Variants in RIMS2 observed in about 807,000 individuals in gnomAD.
The protein encoded by RIMS2 is regulating synaptic membrane exocytosis 2.
A neutral mutation model predicts 174.4 loss-of-function variants in RIMS2; 59 were observed. The observed-to-expected ratio is 0.34, with a 90% confidence interval of 0.27 to 0.42. The LOEUF is 0.42. Ranked by LOEUF, RIMS2 falls within the 10% of genes least tolerant of loss-of-function variation. The pLI is 1.00. For missense variants in RIMS2, 1,620 were observed against 1,666.3 expected, an observed-to-expected ratio of 0.97 and a Z score of 0.48; for synonymous variants, 606 against 572.5, an observed-to-expected ratio of 1.06 and a Z score of -0.84.
chr8:103,524,825 T>C lies in RIMS2; in HGVS notation c.176+23763T>C, dbSNP rs80200218. Among the ~76,000 whole-genome samples, 362 of 152,356 alleles carry C rather than the reference T, an allele frequency of 2.4e-3. 4 individuals are homozygous for C. The Middle Eastern group carries it at 0.034, about 14-fold the overall frequency. On this transcript the variant is annotated intron_variant, in intron 1 of 23. Coordinates refer to ENST00000504942, the Ensembl canonical transcript of RIMS2. ...AGCCAGAATTTGCATTGTAGTTATC[T>C]GGTGCTGCTATTGCTGCTAGAACCA...
intron 4 of RIMS2, among the ~76,000 whole-genome samples, chr8:103,906,346 A>ATGAT (rs2074402266): frequency 6.6e-6 from 1 of 151,998 alleles, no homozygotes; most frequent in South Asian, 2.1e-4. Context: ...CCGGGTTCAA[A>ATGAT]TGATTCTCTT....
intron 1 of RIMS2, among the ~76,000 whole-genome samples, chr8:103,549,677 A>G (rs1279406746): frequency 2.0e-5 from 3 of 152,198 alleles, no homozygotes; most frequent in Non-Finnish European, 4.4e-5. Context: ...CAGACTGGCA[A>G]ATTGGATGAA....
chr8:104,102,252 A>T (rs942977944), intron 19 of RIMS2, among the ~76,000 whole-genome samples: 1 of 152,128 alleles, frequency 6.6e-6, no homozygotes, highest in Non-Finnish European at 1.5e-5. Flanking sequence ...GCCAAAATAA[A>T]TAACTTACTC....
At position 103,765,701 on chromosome 8, in the gene RIMS2, A is replaced by T. The variant is rs532511047; in HGVS notation, c.388-526A>T. ...GAATGTTAACCTAATACTAACAGCT[A>T]ATTTTCCGTATAACAAGTAATATTC... is the stretch of plus-strand genomic sequence containing the variant. On this transcript the variant is annotated intron_variant, in intron 2 of 23. Coordinates refer to ENST00000504942, the Ensembl canonical transcript of RIMS2. Among the ~76,000 whole-genome samples, 11 of 152,304 alleles carry T rather than the reference A, an allele frequency of 7.2e-5. No individual in the cohort carries two copies. In the South Asian group the frequency reaches 2.3e-3, roughly 32 times the overall value.
At chr8:103,675,042 C>A (rs146680507) in intron 1 of RIMS2, among the ~76,000 whole-genome samples, 2 of 152,092 alleles carry the variant, frequency 1.3e-5, no homozygotes, top group Non-Finnish European at 2.9e-5. Flanking sequence ...TCCTGAGTAG[C>A]GAGGATTACA....
chr8:103,580,433 CTA>C (rs2093538029), intron 1 of RIMS2, among the ~76,000 whole-genome samples: 1 of 130,952 alleles, frequency 7.6e-6, no homozygotes, highest in African/African-American at 2.7e-5. Flanking sequence ...AAAACAAAGA[CTA>C]TATGTGTGCA....
intron 1 of RIMS2, among the ~76,000 whole-genome samples, chr8:103,546,268 G>T (rs966998730): frequency 6.6e-5 from 10 of 152,108 alleles, no homozygotes; most frequent in Non-Finnish European, 1.2e-4. Flanking sequence ...ACCCAACAAT[G>T]ATTTAAGAGA....
At chr8:104,026,734 G>T (rs2096266364) in intron 19 of RIMS2, among the ~76,000 whole-genome samples, 1 of 152,172 alleles carries the variant, frequency 6.6e-6, no homozygotes, top group Non-Finnish European at 1.5e-5. Context: ...TGTAATTAAT[G>T]ATTGCTTCTG....
rs181348774 is a variant in RIMS2 at position 103,987,152 on chromosome 8, A to G, written c.2928-2153A>G. 2.1e-3 allele frequency among the ~76,000 whole-genome samples: 316 copies of G among 152,130 alleles called. 2 individuals are homozygous for G. The highest frequency in any genetic ancestry group is 3.8e-3 in the Non-Finnish European group (259 of 68,000). ...TTAGAGTATAATAAAATATATATGT[A>G]TTCCTTTTTCATTTTTTTTTTCAAG... On this transcript the variant is annotated intron_variant, in intron 16 of 23. Transcript: ENST00000504942.
intron 1 of RIMS2, among the ~76,000 whole-genome samples, chr8:103,574,243 T>A (rs373516591): frequency 1.3e-5 from 2 of 152,144 alleles, no homozygotes; most frequent in Non-Finnish European, 2.9e-5. Context: ...TTGCCCTAGG[T>A]TCCCCCACTT....
chr8:103,751,354 C>T (rs1231677030), intron 2 of RIMS2, among the ~76,000 whole-genome samples: 1 of 151,774 alleles, frequency 6.6e-6, no homozygotes, highest in Non-Finnish European at 1.5e-5. Flanking sequence ...CATTGTTGGA[C>T]ATTTGGGTTG....
At chr8:103,530,776 GAACTGT>G (rs1716072884) in intron 1 of RIMS2, among the ~76,000 whole-genome samples, 1 of 151,776 alleles carries the variant, frequency 6.6e-6, no homozygotes, top group Non-Finnish European at 1.5e-5. Context: ...AAATTTTACA[GAACTGT>G]AAGTAAAAAC....
chr8:103,984,768 G>A (rs138185089), intron 16 of RIMS2, among the ~76,000 whole-genome samples: 1 of 152,296 alleles, frequency 6.6e-6, no homozygotes, highest in African/African-American at 2.4e-5. Context: ...TTGCAGTACT[G>A]TTCACAATAG....
chr8:104,173,009 A>C (rs774410307), intron 19 of RIMS2, among the ~76,000 whole-genome samples: 13 of 152,096 alleles, frequency 8.5e-5, no homozygotes, highest in Non-Finnish European at 4.4e-5. Flanking sequence ...TTTCCACTAA[A>C]ATAGCCTTGA....
At chr8:104,110,476 C>T (rs1409117424) in intron 19 of RIMS2, among the ~76,000 whole-genome samples, 3 of 152,036 alleles carry the variant, frequency 2.0e-5, no homozygotes, top group Admixed American at 6.5e-5. Flanking sequence ...TTTTCTTATC[C>T]TTGATCCAAA....
At chr8:104,195,999 T>C (rs1310185941) in intron 19 of RIMS2, among the ~76,000 whole-genome samples, 2 of 152,140 alleles carry the variant, frequency 1.3e-5, no homozygotes, top group African/African-American at 2.4e-5. Context: ...ATTGAGAAGA[T>C]TTCTTTTTCT....
Position 103,894,158 on chromosome 8 carries a change from A to AATGTAGGGG in RIMS2, c.1624+7935_1624+7936insATGTAGGGG, listed in dbSNP as rs2099263900. On this transcript the variant is annotated intron_variant, in intron 4 of 23. Coordinates refer to ENST00000504942, the Ensembl canonical transcript of RIMS2. ...AAAATTGTGAGACAAAAAAATAACT[A>AATGTAGGGG]TTTTAAGAGAAACTTATACTGTGGT... is the stretch of plus-strand genomic sequence containing the variant. Among the ~76,000 whole-genome samples, 27 of 150,396 alleles carry AATGTAGGGG rather than the reference A, an allele frequency of 1.8e-4. 1 individual carries two copies. The highest frequency in any genetic ancestry group is 6.2e-4 in the African/African-American group (25 of 40,640).
exon 23 of RIMS2, chr8:104,251,096 A>G: frequency 6.2e-7 from 1 of 1,613,814 alleles, no homozygotes; most frequent in Non-Finnish European, 8.5e-7. Context: ...GTGGCAAGAA[A>G]AACGCTGGAA....
chr8:103,564,174 C>A (rs2092025574), intron 1 of RIMS2, among the ~76,000 whole-genome samples: 3 of 152,150 alleles, frequency 2.0e-5, no homozygotes, highest in Non-Finnish European at 4.4e-5. Flanking sequence ...TAAAGTTAAT[C>A]TCTTTGTTCA....
Sources: allele counts gnomAD v4.1 joint callset (sites outside exome capture counted in the v4.1 genomes callset), GRCh38; gene constraint gnomAD v4.1.1; transcripts MANE v1.5; gene names NCBI Gene and HGNC (gene_info 2026-07-23, HGNC 2026-07-21).